PJA2: variants seen among roughly 807,000 people sequenced by gnomAD.
PJA2 encodes E3 ubiquitin-protein ligase Praja-2.
Under a neutral mutation model 69.3 loss-of-function variants are expected in PJA2, and 25 were observed. That is an observed-to-expected ratio of 0.36 (90% CI 0.26 to 0.50). The LOEUF is 0.50. Among genes scored for constraint, PJA2 ranks in the 20% least tolerant of loss-of-function variants. The probability of loss-of-function intolerance (pLI) is 0.96; values close to 1 mark genes in which losing one functional copy is unlikely to be tolerated. For missense variants in PJA2, 809 were observed against 830.2 expected, an observed-to-expected ratio of 0.97 and a Z score of 0.31; for synonymous variants, 308 against 277.8, an observed-to-expected ratio of 1.11 and a Z score of -1.08.
At chr5:109,361,078 A>G (rs1762496798) in intron 6 of PJA2, among the ~76,000 whole-genome samples, 1 of 151,966 alleles carries the variant, frequency 6.6e-6, no homozygotes, top group Non-Finnish European at 1.5e-5. Flanking sequence ...CAGTGAGCCG[A>G]GATCACACCA....
intron 9 of PJA2, among the ~76,000 whole-genome samples, chr5:109,343,834 G>A (rs946782456): frequency 3.9e-5 from 6 of 152,268 alleles, no homozygotes; most frequent in African/African-American, 1.4e-4. Context: ...GGTGGCTCAT[G>A]CCTGAAATCC....
chr5:109,369,242 C>T (rs770142110), intron 4 of PJA2, among the ~76,000 whole-genome samples: 69 of 152,292 alleles, frequency 4.5e-4, no homozygotes, highest in Middle Eastern at 3.4e-3. Flanking sequence ...CACCAGACAT[C>T]ATAGTATAGA....
At chr5:109,384,904 A>G (rs1582619097) in intron 1 of PJA2, among the ~76,000 whole-genome samples, 1 of 151,480 alleles carries the variant, frequency 6.6e-6, no homozygotes, top group South Asian at 2.1e-4. Context: ...TGCAACTTCC[A>G]CCTCACGGGT....
Position 109,370,001 on chromosome 5 carries a change from C to T in PJA2, c.1284-1255G>A, listed in dbSNP as rs1265220160. The stretch of plus-strand genomic sequence containing the variant: ...GAGCAGAGATTGTGCCATCGCACTC[C>T]AGCCTGGGCAACAGGAGTGAAACTC... On this transcript the variant is annotated intron_variant, in intron 4 of 9. Transcript: ENST00000361189. Among the ~76,000 whole-genome samples the T allele has an allele frequency of 3.6e-5, 5 of 140,596 alleles. 1 individual carries two copies. In the Admixed American group the frequency reaches 3.8e-4, roughly 11 times the overall value. 92.2% of individuals were successfully genotyped at this position (140,596 alleles called of 152,430 possible). A position where few individuals can be genotyped will look rare whatever the true frequency, so the allele number is the denominator to read the frequency against.
At chr5:109,380,857 C>T (rs932038727) in intron 3 of PJA2, among the ~76,000 whole-genome samples, 2 of 150,514 alleles carry the variant, frequency 1.3e-5, no homozygotes, top group Admixed American at 6.6e-5. Flanking sequence ...ACCTGTAATC[C>T]CAGCACTTTG....
In PJA2 at chr5:109,368,511, T is replaced by C. The variant is rs764863134; in HGVS notation, c.1469+50A>G. On this transcript the variant is annotated intron_variant, in intron 5 of 9. Coordinates refer to ENST00000361189, the MANE Select transcript of PJA2 (RefSeq NM_014819.5). Reference sequence around the variant, plus strand: ...ATATCCAACATTTGAATGTAAAATATACCACTCTTGTACAATATACAGAAA... The same window carrying C: ...ATATCCAACATTTGAATGTAAAATACACCACTCTTGTACAATATACAGAAA... 2.0e-6 allele frequency: 3 copies of C among 1,480,922 alleles called. No individual in the cohort carries two copies. In the African/African-American group the frequency reaches 4.2e-5, roughly 21 times the overall value. The allele number at this position is 1,480,922 out of a possible 1,614,324, so 91.7% of individuals were successfully genotyped here.
chr5:109,398,647 G>T (rs1241163716), intron 1 of PJA2, among the ~76,000 whole-genome samples: 1 of 116,496 alleles, frequency 8.6e-6, no homozygotes, highest in Non-Finnish European at 1.7e-5. Context: ...GGAGGGGGGA[G>T]GGATAGCATT....
chr5:109,371,433 T>C lies in PJA2; in HGVS notation c.1284-2687A>G, dbSNP rs114735020. The stretch of plus-strand genomic sequence containing the variant: ...CTGCAAACACTTATTTTTTGACTCT[T>C]CACAAACTCCCCACATTCAAATCCT... On this transcript the variant is annotated intron_variant, in intron 4 of 9. Coordinates refer to ENST00000361189, the MANE Select transcript of PJA2 (RefSeq NM_014819.5). Among the ~76,000 whole-genome samples the C allele has an allele frequency of 6.4e-3, 974 of 152,314 alleles. 9 individuals carry two copies. The highest frequency in any genetic ancestry group is 0.023 in the African/African-American group (944 of 41,568).
intron 6 of PJA2, among the ~76,000 whole-genome samples, chr5:109,361,649 T>C (rs1762508041): frequency 6.6e-6 from 1 of 152,216 alleles, no homozygotes; most frequent in Admixed American, 6.5e-5. Context: ...CGTATCAAGA[T>C]CAGCAAGACT....
At chr5:109,386,446 GAAATCACCCT>G (rs968648742) in intron 1 of PJA2, among the ~76,000 whole-genome samples, 1 of 152,120 alleles carries the variant, frequency 6.6e-6, no homozygotes, top group Admixed American at 6.6e-5. Context: ...AGAAATCATG[GAAATCACCCT>G]GTTTCTTAAA....
At chr5:109,350,045 T>C (rs531431521) in intron 7 of PJA2, among the ~76,000 whole-genome samples, 31 of 152,328 alleles carry the variant, frequency 2.0e-4, no homozygotes, top group Admixed American at 1.7e-3. Context: ...TATAGTAACT[T>C]TCATTTGGGG....
intron 4 of PJA2, among the ~76,000 whole-genome samples, chr5:109,375,335 C>A (rs1367139863): frequency 6.6e-6 from 1 of 151,750 alleles, no homozygotes. Context: ...CATGGTGAAA[C>A]CCCATCTCTA....
chr5:109,361,300 G>A (rs768889726), intron 6 of PJA2, among the ~76,000 whole-genome samples: 2 of 152,080 alleles, frequency 1.3e-5, no homozygotes, highest in Non-Finnish European at 2.9e-5. Flanking sequence ...CAGAAGTATA[G>A]AACAAGTTTT....
At chr5:109,344,998 A>C (rs1405545822) in intron 7 of PJA2, among the ~76,000 whole-genome samples, 179 bp from the exon 8 acceptor site, 1 of 152,056 alleles carries the variant, frequency 6.6e-6, no homozygotes, top group East Asian at 1.9e-4. Flanking sequence ...CAACAAACCA[A>C]AACATTAAAT....
At chr5:109,389,768 G>A (rs1747240020) in intron 1 of PJA2, among the ~76,000 whole-genome samples, 1 of 151,918 alleles carries the variant, frequency 6.6e-6, no homozygotes, top group Non-Finnish European at 1.5e-5. Context: ...TGCTTCAGCT[G>A]TATTCCAAAA....
At chr5:109,354,092 ATCTAGAG>A (rs1762345598) in intron 7 of PJA2, among the ~76,000 whole-genome samples, 1 of 95,060 alleles carries the variant, frequency 1.1e-5, no homozygotes, top group Non-Finnish European at 2.3e-5. Context: ...AGATATCTAT[ATCTAGAG>A]ATATCTATAG....
chr5:109,342,958 GGGAGGTGAGGAGCCCCTCTGCCCGGCCA>G (rs1762104420), intron 9 of PJA2, among the ~76,000 whole-genome samples: 1 of 84,942 alleles, frequency 1.2e-5, no homozygotes. Context: ...CACCCCTACT[GGGAGGTGAGGAGCCCCTCTGCCCGGCCA>G]CCACCCCGTC....
At chr5:109,392,804 T>C (rs1253520053) in intron 1 of PJA2, among the ~76,000 whole-genome samples, 1 of 152,178 alleles carries the variant, frequency 6.6e-6, no homozygotes, top group Admixed American at 6.5e-5. Flanking sequence ...ATTAATTGGA[T>C]ACTGATGCAG....
chr5:109,388,410 T>C (rs564040869), intron 1 of PJA2, among the ~76,000 whole-genome samples: 2 of 152,352 alleles, frequency 1.3e-5, no homozygotes, highest in Admixed American at 6.5e-5. Context: ...AGGCTGCTCC[T>C]GAATTTCGAA....
Sources: gnomAD v4.1 joint callset for allele counts (sites outside exome capture counted in the v4.1 genomes callset) on GRCh38, gnomAD v4.1.1 for gene constraint, MANE v1.5 for transcripts, NCBI Gene and HGNC (gene_info 2026-07-23, HGNC 2026-07-21) for gene names.